The following GNB4 variants were observed in gnomAD, a reference collection of about 807,000 sequenced individuals.
GNB4 encodes guanine nucleotide-binding protein subunit beta-4.
In GNB4, 28 loss-of-function variants were observed where a neutral mutation model predicts 45.2. The observed-to-expected ratio is 0.62, with a 90% CI of 0.46 to 0.85. The LOEUF (loss-of-function observed/expected upper bound fraction) is 0.85, where lower values mean the gene tolerates loss of function less well. Ranked by LOEUF, GNB4 falls within the 40% of genes least tolerant of loss-of-function variation. The pLI, the probability that GNB4 is intolerant of heterozygous loss-of-function variation, is 0.00. For synonymous variants in GNB4, 132 were observed against 143.7 expected, an observed-to-expected ratio of 0.92 and a Z score of 0.58; for missense variants, 321 against 425.4, an observed-to-expected ratio of 0.75 and a Z score of 2.16.
chr3:179,397,439 C>G lies in GNB4; in HGVS notation c.*3774G>C, dbSNP rs943739151. The G allele has an allele frequency of 6.6e-6, 1 of 152,194 alleles. No homozygotes were observed. Among genetic ancestry groups the G allele is most frequent in the African/African-American group, 2.4e-5 (1 of 41,438 alleles). The allele number at this position is 152,194 out of a possible 1,614,324, so 9.4% of individuals were successfully genotyped here. A position where few individuals can be genotyped will look rare whatever the true frequency, so the allele number is the denominator to read the frequency against. On this transcript the variant is annotated 3_prime_UTR_variant, in exon 10 of 10. Transcript: ENST00000232564. Reference sequence around the variant, plus strand: ...ATAGGTTAAGTCTGAAATTCTGTAACATATTCTAGAAGCACCTACATCCAT... The same window carrying G: ...ATAGGTTAAGTCTGAAATTCTGTAAGATATTCTAGAAGCACCTACATCCAT...
At chr3:179,491,759 AG>A in the GNB4 span, among the ~76,000 whole-genome samples, 1 of 152,212 alleles carries the variant, frequency 6.6e-6, no homozygotes, top group African/African-American at 2.4e-5. Context: ...TTGTAAAGGA[AG>A]GTTCTCTGAA....
At chr3:179,449,598 T>C (rs183845824) in intron 1 of GNB4, among the ~76,000 whole-genome samples, 2 of 152,334 alleles carry the variant, frequency 1.3e-5, no homozygotes, top group Non-Finnish European at 2.9e-5. Context: ...GCCAAGTTAC[T>C]TAAAACCTCA....
At chr3:179,427,213 T>C (rs538041115) in intron 1 of GNB4, among the ~76,000 whole-genome samples, 1 of 152,102 alleles carries the variant, frequency 6.6e-6, no homozygotes, top group South Asian at 2.1e-4. Context: ...ATAGCACATG[T>C]GCACCCAAAC....
intron 4 of GNB4, among the ~76,000 whole-genome samples, chr3:179,417,769 T>G (rs1174442241): frequency 6.6e-6 from 1 of 152,216 alleles, no homozygotes; most frequent in Admixed American, 6.5e-5. Flanking sequence ...AAAAAGCACC[T>G]TCCTGGGCCT....
the GNB4 span, among the ~76,000 whole-genome samples, chr3:179,465,695 C>A: frequency 6.6e-6 from 1 of 152,102 alleles, no homozygotes; most frequent in South Asian, 2.1e-4. Context: ...CTTCCTATGA[C>A]TCCTAGTTGT....
chr3:179,507,356 T>C, the GNB4 span, among the ~76,000 whole-genome samples: 3 of 151,718 alleles, frequency 2.0e-5, no homozygotes, highest in African/African-American at 7.3e-5. Flanking sequence ...CCCAGAGGGT[T>C]CACTGAAAGG....
At chr3:179,464,574 G>C in the GNB4 span, 1 of 1,508,450 alleles carries the variant, frequency 6.6e-7, no homozygotes, top group Non-Finnish European at 9.2e-7. Flanking sequence ...CCTGGTTGGC[G>C]AGAGTTCTGC....
intron 1 of GNB4, among the ~76,000 whole-genome samples, chr3:179,430,071 G>GAGAGAGAC (rs761132897): frequency 2.1e-5 from 3 of 142,258 alleles, no homozygotes; most frequent in Non-Finnish European, 3.1e-5. Flanking sequence ...GACTGAGAGA[G>GAGAGAGAC]AGACAGACAG....
intron 1 of GNB4, among the ~76,000 whole-genome samples, chr3:179,427,866 T>C (rs755511763): frequency 3.3e-5 from 5 of 152,168 alleles, no homozygotes; most frequent in Admixed American, 6.5e-5. Flanking sequence ...TCCTGGTCTC[T>C]TTTCTCTTCT....
the GNB4 span, among the ~76,000 whole-genome samples, chr3:179,480,155 A>G: frequency 6.6e-6 from 1 of 152,254 alleles, no homozygotes. Context: ...ACAGCAAGAA[A>G]GGCCTCGCCA....
chr3:179,523,243 G>T, the GNB4 span, among the ~76,000 whole-genome samples: 2 of 152,158 alleles, frequency 1.3e-5, no homozygotes, highest in Non-Finnish European at 2.9e-5. Flanking sequence ...GGATGAGGAA[G>T]AAATTTGGGC....
chr3:179,492,602 C>T, the GNB4 span, among the ~76,000 whole-genome samples: 1 of 152,102 alleles, frequency 6.6e-6, no homozygotes, highest in African/African-American at 2.4e-5. Flanking sequence ...TGGTACATAC[C>T]CAAGCCTAGT....
At chr3:179,452,817 G>A (rs886783064), upstream of GNB4, among the ~76,000 whole-genome samples, 5 of 152,266 alleles carry the variant, frequency 3.3e-5, 1 homozygote, top group African/African-American at 1.2e-4. Context: ...ATATCAAAGT[G>A]TCAGAAGAGC....
chr3:179,409,253 G>A (rs1714572109), intron 8 of GNB4, among the ~76,000 whole-genome samples: 2 of 151,896 alleles, frequency 1.3e-5, no homozygotes, highest in Admixed American at 1.3e-4. Flanking sequence ...GCTCATGCCT[G>A]TAATCCCAGC....
chr3:179,445,046 T>A (rs1715684332), intron 1 of GNB4, among the ~76,000 whole-genome samples: 1 of 152,032 alleles, frequency 6.6e-6, no homozygotes, highest in Non-Finnish European at 1.5e-5. Context: ...AAAAAAAAAT[T>A]AAAAATCCTA....
intron 1 of GNB4, among the ~76,000 whole-genome samples, chr3:179,444,495 T>A (rs1309410696): frequency 1.3e-5 from 2 of 151,258 alleles, no homozygotes; most frequent in Non-Finnish European, 2.9e-5. Context: ...ATAACTAAGA[T>A]CCCTTGTTGA....
the GNB4 span, among the ~76,000 whole-genome samples, chr3:179,472,219 A>G: frequency 1.3e-5 from 2 of 152,132 alleles, no homozygotes; most frequent in Non-Finnish European, 2.9e-5. Flanking sequence ...CTGAAAAAAT[A>G]TACCAAAATA....
chr3:179,483,130 T>A, the GNB4 span, among the ~76,000 whole-genome samples: 12 of 152,162 alleles, frequency 7.9e-5, no homozygotes, highest in Non-Finnish European at 1.3e-4. Context: ...AATTTAATTA[T>A]TTTTTTCTTT....
At chr3:179,503,848 A>G in the GNB4 span, among the ~76,000 whole-genome samples, 1 of 152,312 alleles carries the variant, frequency 6.6e-6, no homozygotes, top group South Asian at 2.1e-4. Context: ...TCACAAGCCA[A>G]ACTTGTTTGA....
Sources: gnomAD v4.1 joint callset for allele counts (sites outside exome capture counted in the v4.1 genomes callset) on GRCh38, gnomAD v4.1.1 for gene constraint, MANE v1.5 for transcripts, NCBI Gene and HGNC (gene_info 2026-07-23, HGNC 2026-07-21) for gene names.